The following RNF150 variants were observed in gnomAD, a reference collection of about 807,000 sequenced individuals.
RNF150 encodes ring finger protein 150.
In RNF150, 24 loss-of-function variants were observed where a neutral mutation model predicts 39.3. That is an observed-to-expected ratio of 0.61 (90% CI 0.44 to 0.86). The LOEUF is 0.86. Ranked by LOEUF, RNF150 falls within the 40% of genes least tolerant of loss-of-function variation. The pLI is 0.00. For missense variants in RNF150, 502 were observed against 587.8 expected, an observed-to-expected ratio of 0.85 and a Z score of 1.51; for synonymous variants, 255 against 227.3, an observed-to-expected ratio of 1.12 and a Z score of -1.10.
At chr4:141,196,954 G>A (rs1336849871) in intron 1 of RNF150, among the ~76,000 whole-genome samples, 1 of 152,114 alleles carries the variant, frequency 6.6e-6, no homozygotes, top group Non-Finnish European at 1.5e-5. Flanking sequence ...AAGTGCCAAG[G>A]TGAAGTTTTG....
chr4:141,207,065 T>C (rs1728386289), intron 1 of RNF150, among the ~76,000 whole-genome samples: 1 of 152,170 alleles, frequency 6.6e-6, no homozygotes, highest in South Asian at 2.1e-4. Context: ...GCTGGCAGCC[T>C]GTTGGATGGT....
intron 1 of RNF150, among the ~76,000 whole-genome samples, chr4:141,060,865 C>A (rs1330227978): frequency 1.3e-5 from 2 of 152,162 alleles, no homozygotes; most frequent in African/African-American, 4.8e-5. Context: ...CAGAAACCAT[C>A]ATTCTAAGCA....
intron 1 of RNF150, among the ~76,000 whole-genome samples, chr4:141,000,074 GAAGAAGAAGAAGGAGAAGAAGAA>G: frequency 1.3e-5 from 1 of 79,432 alleles, no homozygotes; most frequent in Admixed American, 1.3e-4. Context: ...AGAAGAAGAA[GAAGAAGAAGAAGGAGAAGAAGAA>G]GAAGAAGAAG....
intron 1 of RNF150, among the ~76,000 whole-genome samples, chr4:141,193,787 C>T (rs1259601281): frequency 6.6e-6 from 1 of 152,168 alleles, no homozygotes; most frequent in Non-Finnish European, 1.5e-5. Flanking sequence ...AGCAAGCGTC[C>T]TGCAGAAGAA....
chr4:140,919,374 C>T (rs1355770384), intron 5 of RNF150, among the ~76,000 whole-genome samples: 6 of 134,942 alleles, frequency 4.4e-5, no homozygotes, highest in Admixed American at 8.0e-5. Context: ...ACATCACAAG[C>T]ATTCTTATAC....
chr4:140,912,996 G>C (rs540590855), intron 5 of RNF150, among the ~76,000 whole-genome samples: 1 of 151,728 alleles, frequency 6.6e-6, no homozygotes, highest in African/African-American at 2.4e-5. Flanking sequence ...ACCATGGGCT[G>C]GGCGTGGTGG....
intron 1 of RNF150, among the ~76,000 whole-genome samples, chr4:141,067,171 C>T (rs1016481220): frequency 6.6e-6 from 1 of 152,136 alleles, no homozygotes; most frequent in Non-Finnish European, 1.5e-5. Context: ...CAAGGCATGC[C>T]TAATTCAGTT....
intron 1 of RNF150, among the ~76,000 whole-genome samples, chr4:141,123,546 T>C (rs1158884269): frequency 1.3e-5 from 2 of 151,434 alleles, no homozygotes; most frequent in African/African-American, 4.9e-5. Context: ...TCTACAAATG[T>C]AATCATTTTA....
chr4:140,911,889 C>T (rs1288133539), intron 5 of RNF150, among the ~76,000 whole-genome samples: 2 of 151,204 alleles, frequency 1.3e-5, no homozygotes, highest in African/African-American at 4.9e-5. Context: ...GATAAGGCTA[C>T]ATTTAAGAAA....
At position 141,043,647 on chromosome 4, in the gene RNF150, A is replaced by G. The variant is rs189221225; in HGVS notation, c.485-75774T>C. ...GTTTTGTTAACCAGGCTAGCCATAT[A>G]CATGTAAAATTAAGGGAAGCCACTT... On this transcript the variant is annotated intron_variant, in intron 1 of 6. Transcript: ENST00000515673. Among the ~76,000 whole-genome samples, 40 of 152,276 alleles carry G rather than the reference A, an allele frequency of 2.6e-4. 1 individual carries two copies. Among genetic ancestry groups the G allele is most frequent in the Middle Eastern group, 3.4e-3 (1 of 294 alleles).
rs1733261867 is a variant in RNF150, at chr4:140,966,840, T to C, written c.735+783A>G. Among the ~76,000 whole-genome samples, 3 of 152,156 alleles carry C rather than the reference T, an allele frequency of 2.0e-5. No homozygotes were observed. In the South Asian group the frequency reaches 6.2e-4, roughly 31 times the overall value. On this transcript the variant is annotated intron_variant, in intron 2 of 6. Coordinates refer to ENST00000515673, the MANE Select transcript of RNF150 (RefSeq NM_020724.2). ...GCAACTAAACTTCCAGGATTTTACC[T>C]TGTAGATATACTTACAAATGTACTA...
intron 1 of RNF150, among the ~76,000 whole-genome samples, chr4:141,021,584 G>T (rs1390461181): frequency 6.6e-6 from 1 of 152,118 alleles, no homozygotes. Flanking sequence ...AGGTATATGG[G>T]TAATCTCGTG....
intron 1 of RNF150, among the ~76,000 whole-genome samples, chr4:141,143,404 C>T (rs577621634): frequency 2.0e-5 from 3 of 152,276 alleles, no homozygotes; most frequent in South Asian, 2.1e-4. Context: ...CCCTGCCCCA[C>T]GTCTAAACAT....
intron 6 of RNF150, among the ~76,000 whole-genome samples, chr4:140,898,348 A>C (rs1730038407): frequency 6.6e-6 from 1 of 151,558 alleles, no homozygotes; most frequent in African/African-American, 2.4e-5. Context: ...TCTAGGAGTA[A>C]TCAGGAGACC....
Position 141,000,014 on chromosome 4 carries a change from GA to G in RNF150, c.485-32142del, listed in dbSNP as rs1419117767. Reference sequence around the variant, plus strand: ...AAGAAAAGAAGAAGAAGAAGAAGAAGAAGAAGAAGAAGAAGAAGAAGAAGAA... The same window carrying G: ...AAGAAAAGAAGAAGAAGAAGAAGAAGAGAAGAAGAAGAAGAAGAAGAAGAA... On this transcript the variant is annotated intron_variant, in intron 1 of 6. Coordinates refer to ENST00000515673, the MANE Select transcript of RNF150 (RefSeq NM_020724.2). Among the ~76,000 whole-genome samples, 4 of 32,408 alleles carry G rather than the reference GA, an allele frequency of 1.2e-4. 1 individual carries two copies. Among genetic ancestry groups the G allele is most frequent in the East Asian group, 6.6e-4 (1 of 1,522 alleles). The allele number at this position is 32,408 out of a possible 152,430, so 21.3% of individuals were successfully genotyped here. A position where few individuals can be genotyped will look rare whatever the true frequency, so the allele number is the denominator to read the frequency against.
chr4:141,192,039 G>A (rs1728119069), intron 1 of RNF150, among the ~76,000 whole-genome samples: 1 of 152,100 alleles, frequency 6.6e-6, no homozygotes, highest in Non-Finnish European at 1.5e-5. Context: ...TCCCTTTTCT[G>A]GTCAAGATTT....
rs376097779 is a variant in RNF150 at position 140,868,257 on chromosome 4, C to T, written c.*4G>A. The stretch of plus-strand genomic sequence containing the variant: ...ACTATCTCTTTGCTTCTGGATTTGT[C>T]GTTTCAAGATTTCACTTCTTCACAG... On this transcript the variant is annotated 3_prime_UTR_variant, in exon 7 of 7. Transcript: ENST00000515673. The T allele has an allele frequency of 2.1e-5, 32 of 1,523,954 alleles. No individual in the cohort carries two copies. The highest frequency in any genetic ancestry group is 3.4e-4 in the Middle Eastern group (2 of 5,860). 94.4% of individuals were successfully genotyped at this position (1,523,954 alleles called of 1,614,324 possible).
chr4:141,102,158 G>A (rs1487197169), intron 1 of RNF150, among the ~76,000 whole-genome samples: 45 of 152,238 alleles, frequency 3.0e-4, no homozygotes, highest in Non-Finnish European at 1.0e-4. Flanking sequence ...TGTGGCATAT[G>A]ACCGTATTTA....
chr4:141,169,135 T>C (rs527822943), intron 1 of RNF150, among the ~76,000 whole-genome samples: 140 of 152,244 alleles, frequency 9.2e-4, no homozygotes, highest in African/African-American at 3.2e-3. Flanking sequence ...GGTTAGATCA[T>C]GGGGGTGATT....
Sources: allele counts gnomAD v4.1 joint callset (sites outside exome capture counted in the v4.1 genomes callset), GRCh38; gene constraint gnomAD v4.1.1; transcripts MANE v1.5; gene names NCBI Gene and HGNC (gene_info 2026-07-23, HGNC 2026-07-21).